MAML2: variants seen among roughly 807,000 people sequenced by gnomAD.
MAML2 encodes mastermind-like protein 2.
MAML2 carries 22 observed loss-of-function variants against 96.1 expected under a neutral mutation model. The observed-to-expected ratio is 0.23, with a 90% CI of 0.16 to 0.33. The LOEUF is 0.33. MAML2 is among the 10% of genes least tolerant of loss of function. The pLI is 1.00. For missense variants in MAML2, 1,367 were observed against 1,392.4 expected, an observed-to-expected ratio of 0.98 and a Z score of 0.29; for synonymous variants, 561 against 521.3, an observed-to-expected ratio of 1.08 and a Z score of -1.04.
At chr11:96,152,175 T>C (rs921702185) in intron 1 of MAML2, among the ~76,000 whole-genome samples, 46 of 152,282 alleles carry the variant, frequency 3.0e-4, no homozygotes, top group African/African-American at 9.6e-4. Flanking sequence ...TGAGCTATGA[T>C]TGCACCACTG....
chr11:96,156,074 T>A (rs1462175830), intron 1 of MAML2, among the ~76,000 whole-genome samples: 1 of 152,196 alleles, frequency 6.6e-6, no homozygotes, highest in Non-Finnish European at 1.5e-5. Context: ...GCCCTCTGCC[T>A]GTCTGCAGAC....
At chr11:96,216,760 A>T (rs1244761856) in intron 1 of MAML2, among the ~76,000 whole-genome samples, 1 of 152,216 alleles carries the variant, frequency 6.6e-6, no homozygotes, top group Admixed American at 6.5e-5. Context: ...TTAGAAGCCA[A>T]CGTAATGTGT....
chr11:96,299,072 T>TATATAC (rs1555037087), intron 1 of MAML2, among the ~76,000 whole-genome samples: 6 of 135,576 alleles, frequency 4.4e-5, no homozygotes, highest in African/African-American at 1.7e-4. Context: ...TATATATATA[T>TATATAC]ATATATATAA....
intron 1 of MAML2, among the ~76,000 whole-genome samples, chr11:96,306,805 A>G (rs1220830563): frequency 6.6e-6 from 1 of 152,170 alleles, no homozygotes; most frequent in Non-Finnish European, 1.5e-5. Flanking sequence ...CATTCGTTAC[A>G]AGGGGTCTTT....
intron 1 of MAML2, among the ~76,000 whole-genome samples, chr11:96,098,330 T>C (rs771486009): frequency 5.9e-5 from 9 of 152,180 alleles, no homozygotes; most frequent in Non-Finnish European, 1.0e-4. Context: ...TGAGGGAAAA[T>C]ATGCAGATGA....
intron 1 of MAML2, among the ~76,000 whole-genome samples, chr11:96,139,076 C>T (rs1313283058): frequency 6.6e-6 from 1 of 152,146 alleles, no homozygotes; most frequent in Non-Finnish European, 1.5e-5. Context: ...ATGCCAGAAC[C>T]ATGTGGTAAT....
At chr11:96,020,581 C>T (rs1192987204) in intron 2 of MAML2, among the ~76,000 whole-genome samples, 2 of 152,188 alleles carry the variant, frequency 1.3e-5, no homozygotes, top group Non-Finnish European at 2.9e-5. Context: ...CTCTAACGAG[C>T]TCCATGTGAT....
intron 1 of MAML2, among the ~76,000 whole-genome samples, chr11:96,124,971 G>C: frequency 6.6e-6 from 1 of 152,232 alleles, no homozygotes; most frequent in Non-Finnish European, 1.5e-5. Flanking sequence ...AGTGATGGCC[G>C]CATTAATTGA....
intron 1 of MAML2, among the ~76,000 whole-genome samples, chr11:96,289,165 TG>T (rs1863178447): frequency 6.6e-6 from 1 of 152,202 alleles, no homozygotes; most frequent in Admixed American, 6.5e-5. Context: ...ACCTGAAACT[TG>T]GCTTTCTAAA....
At chr11:96,077,278 T>C (rs1479349091) in intron 2 of MAML2, among the ~76,000 whole-genome samples, 4 of 140,618 alleles carry the variant, frequency 2.8e-5, no homozygotes, top group Non-Finnish European at 6.0e-5. Flanking sequence ...TGGAGTGCAG[T>C]GGTGCGATCT....
intron 1 of MAML2, among the ~76,000 whole-genome samples, chr11:96,193,153 G>A (rs1294393424): frequency 6.6e-6 from 1 of 152,156 alleles, no homozygotes; most frequent in Non-Finnish European, 1.5e-5. Flanking sequence ...CGGATCACAA[G>A]GTCAGGAGTT....
At chr11:96,053,841 A>G (rs889725803) in intron 2 of MAML2, among the ~76,000 whole-genome samples, 2 of 152,128 alleles carry the variant, frequency 1.3e-5, no homozygotes, top group South Asian at 4.1e-4. Context: ...CATGTTTGGG[A>G]ACATCTTTCC....
chr11:96,081,534 T>C (rs988002015), intron 2 of MAML2, among the ~76,000 whole-genome samples: 1 of 152,208 alleles, frequency 6.6e-6, no homozygotes, highest in African/African-American at 2.4e-5. Flanking sequence ...ACTTCTGTAT[T>C]CCCACATTCT....
intron 1 of MAML2, among the ~76,000 whole-genome samples, chr11:96,286,923 GGC>G (rs758426181): frequency 6.3e-4 from 96 of 152,124 alleles, no homozygotes; most frequent in Non-Finnish European, 1.3e-3. Flanking sequence ...ATCTCAATAT[GGC>G]CCTCAAATTT....
chr11:96,112,602 AAGG>A (rs1264918118), intron 1 of MAML2, among the ~76,000 whole-genome samples: 4 of 152,234 alleles, frequency 2.6e-5, no homozygotes, highest in African/African-American at 9.6e-5. Flanking sequence ...ACAGAACCAG[AAGG>A]AGACCATTCT....
intron 1 of MAML2, among the ~76,000 whole-genome samples, chr11:96,228,974 A>AC (rs200742867): frequency 8.3e-5 from 11 of 132,298 alleles, no homozygotes; most frequent in South Asian, 2.1e-4. Context: ...TAGTTGAACA[A>AC]AAAAAAAATG....
chr11:95,985,510 T>C (rs1857811145), intron 4 of MAML2, 21 bp downstream of exon 4: 1 of 1,432,426 alleles, frequency 7.0e-7, no homozygotes, highest in Non-Finnish European at 9.6e-7. Flanking sequence ...ATAATTTTTA[T>C]TAATTTTTAA....
chr11:96,109,430 T>C (rs1860081897), intron 1 of MAML2, among the ~76,000 whole-genome samples: 1 of 152,026 alleles, frequency 6.6e-6, no homozygotes, highest in Non-Finnish European at 1.5e-5. Context: ...GGGTGGGAGA[T>C]AGGATAGCTT....
At chr11:96,265,787 G>A (rs1381962810) in intron 1 of MAML2, among the ~76,000 whole-genome samples, 3 of 152,152 alleles carry the variant, frequency 2.0e-5, no homozygotes, top group Non-Finnish European at 4.4e-5. Context: ...TTGGAGGAGC[G>A]CTCGGCCCCC....
Sources: allele counts gnomAD v4.1 joint callset (sites outside exome capture counted in the v4.1 genomes callset), GRCh38; gene constraint gnomAD v4.1.1; transcripts MANE v1.5; gene names NCBI Gene and HGNC (gene_info 2026-07-23, HGNC 2026-07-21).